Variants in ATXN7L1 observed in about 807,000 individuals in gnomAD.
The protein encoded by ATXN7L1 is ataxin 7 like 1.
A neutral mutation model predicts 70.8 loss-of-function variants in ATXN7L1; 15 were observed. That is an observed-to-expected ratio of 0.21 (90% CI 0.14 to 0.33). The LOEUF (loss-of-function observed/expected upper bound fraction) is 0.33, where lower values mean the gene tolerates loss of function less well. Among genes scored for constraint, ATXN7L1 ranks in the 10% least tolerant of loss-of-function variants. The probability of loss-of-function intolerance (pLI) is 1.00; values close to 1 mark genes in which losing one functional copy is unlikely to be tolerated. For synonymous variants in ATXN7L1, 440 were observed against 445.1 expected (o/e 0.99, Z 0.14); for missense variants, 975 against 1,097.1 (o/e 0.89, Z 1.57).
At chr7:105,803,655 C>G (rs558213696) in intron 2 of ATXN7L1, among the ~76,000 whole-genome samples, 26 of 152,166 alleles carry the variant, frequency 1.7e-4, no homozygotes, top group Non-Finnish European at 3.7e-4. Context: ...TTCCAGCCAG[C>G]CTGACTGAAC....
chr7:105,610,403 G>A, intron 11 of ATXN7L1, 126 bp downstream of exon 11: 1 of 847,378 alleles, frequency 1.2e-6, no homozygotes, highest in South Asian at 1.8e-5. Flanking sequence ...AGGTTTGGAA[G>A]CCAGGTAGCC....
Position 105,624,250 on chromosome 7 carries a change from C to T in ATXN7L1, c.1220G>A (p.Ser407Asn). Residue 407 changes from serine (S) to asparagine (N), a missense_variant, in exon 8 of 12, where the codon AGC (serine) becomes AAC (asparagine). By Grantham distance (46) the Ser-to-Asn change is conservative. Coordinates refer to ENST00000419735, the MANE Select transcript of ATXN7L1 (RefSeq NM_020725.2). ...ATTTGAAGATGTGCTGCTGCTTATG[C>T]TATTTGCAGATGATGGTCTAAGGGC... is the stretch of plus-strand genomic sequence containing the variant. ...SVLPRPSSAN[S>N]ISSSTSSNHS... 6.9e-7 allele frequency: 1 copy of T among 1,444,666 alleles called. No individual in the cohort carries two copies. The highest frequency in any genetic ancestry group is 9.2e-7 in the Non-Finnish European group (1 of 1,086,928). The allele number at this position is 1,444,666 out of a possible 1,614,324, so 89.5% of individuals were successfully genotyped here. A position where few individuals can be genotyped will look rare whatever the true frequency, so the allele number is the denominator to read the frequency against.
At chr7:105,649,894 T>C (rs915300190) in intron 4 of ATXN7L1, among the ~76,000 whole-genome samples, 8 of 152,222 alleles carry the variant, frequency 5.3e-5, no homozygotes, top group South Asian at 2.1e-4. Flanking sequence ...CAAAAGCCTA[T>C]GTGCTTATGC....
chr7:105,808,993 G>A (rs779182369), intron 2 of ATXN7L1, among the ~76,000 whole-genome samples: 6 of 152,312 alleles, frequency 3.9e-5, no homozygotes, highest in Admixed American at 6.5e-5. Context: ...CATGTGAGGC[G>A]TTTCTCCCAA....
chr7:105,832,875 G>A (rs1811823051), intron 2 of ATXN7L1, among the ~76,000 whole-genome samples: 1 of 152,162 alleles, frequency 6.6e-6, no homozygotes. Flanking sequence ...CCTTCAGGAA[G>A]TAGAGCCAGC....
chr7:105,685,529 T>C (rs1308376164), intron 3 of ATXN7L1, among the ~76,000 whole-genome samples: 2 of 152,146 alleles, frequency 1.3e-5, no homozygotes, highest in Non-Finnish European at 2.9e-5. Context: ...ATCTCCTCTC[T>C]CATCTCAGAC....
chr7:105,714,400 G>A (rs777694088), intron 3 of ATXN7L1, among the ~76,000 whole-genome samples: 6 of 152,228 alleles, frequency 3.9e-5, no homozygotes, highest in Admixed American at 1.3e-4. Flanking sequence ...CAAGCTCCTT[G>A]GATGAGTTTG....
rs947549059 is a variant in ATXN7L1 at position 105,864,594 on chromosome 7, G to T, written c.250+11218C>A. On this transcript the variant is annotated intron_variant, in intron 2 of 11. Coordinates refer to ENST00000419735, the MANE Select transcript of ATXN7L1 (RefSeq NM_020725.2). The stretch of plus-strand genomic sequence containing the variant: ...GACAACACAGCAGGGTCTCCAGAAT[G>T]AACACACTTTGCAAAACATTGAAAC... Among the ~76,000 whole-genome samples, 17 of 151,110 alleles carry T rather than the reference G, an allele frequency of 1.1e-4. No individual in the cohort carries two copies. The East Asian group carries it at 1.6e-3, about 14-fold the overall frequency.
At chr7:105,837,301 C>G (rs955876821) in intron 2 of ATXN7L1, among the ~76,000 whole-genome samples, 3 of 152,114 alleles carry the variant, frequency 2.0e-5, no homozygotes, top group Non-Finnish European at 2.9e-5. Flanking sequence ...CATCCACTGG[C>G]CTTCTGATTC....
chr7:105,678,326 G>T (rs1482831038), intron 3 of ATXN7L1, among the ~76,000 whole-genome samples: 1 of 152,094 alleles, frequency 6.6e-6, no homozygotes, highest in Non-Finnish European at 1.5e-5. Flanking sequence ...GTGTGTGAGT[G>T]GGTGTGCTTT....
chr7:105,859,809 G>C (rs1816301430), intron 2 of ATXN7L1, among the ~76,000 whole-genome samples: 1 of 131,718 alleles, frequency 7.6e-6, no homozygotes, highest in African/African-American at 2.9e-5. Flanking sequence ...TTGAGACAGA[G>C]TCTCGCTCTG....
At chr7:105,719,886 C>T (rs770296018) in intron 3 of ATXN7L1, among the ~76,000 whole-genome samples, 10 of 152,166 alleles carry the variant, frequency 6.6e-5, no homozygotes, top group Non-Finnish European at 1.0e-4. Context: ...AAGGGGCCAG[C>T]GAATCATGCA....
chr7:105,613,892 G>C lies in ATXN7L1; in HGVS notation c.2442C>G (p.Pro814=). ...GAGAGGAGGTGCTGTTAACGGGATC[G>C]GGCACCGGTGCGAGAAGGCTGGGCG... is the stretch of plus-strand genomic sequence containing the variant. ...KNPPSLLAPV[P]DPVNSTSSRQ... The change falls in exon 10 of 12, where the codon CCC becomes CCG. Residue 814 remains proline (P), a synonymous_variant. Transcript: ENST00000419735. 7.1e-6 allele frequency: 11 copies of C among 1,552,010 alleles called. No individual in the cohort carries two copies. Among genetic ancestry groups the C allele is most frequent in the Non-Finnish European group, 9.6e-6 (11 of 1,147,018 alleles).
intron 3 of ATXN7L1, among the ~76,000 whole-genome samples, chr7:105,748,850 G>A (rs1469632814): frequency 2.0e-5 from 3 of 152,212 alleles, no homozygotes. Flanking sequence ...AGGCAGCAGG[G>A]CACACTAAAG....
intron 3 of ATXN7L1, chr7:105,691,442 G>A (rs1334415553): frequency 2.0e-5 from 3 of 151,872 alleles, no homozygotes; most frequent in African/African-American, 7.3e-5. Context: ...TCCACAGTTG[G>A]AACAGAAACT....
chr7:105,670,129 T>C (rs1393997134), intron 3 of ATXN7L1, among the ~76,000 whole-genome samples: 7 of 152,130 alleles, frequency 4.6e-5, no homozygotes, highest in African/African-American at 1.7e-4. Context: ...TTACACAGTT[T>C]TGCGTTGGTG....
intron 3 of ATXN7L1, among the ~76,000 whole-genome samples, chr7:105,673,105 C>T (rs535310889): frequency 2.6e-5 from 4 of 152,318 alleles, no homozygotes; most frequent in East Asian, 1.9e-4. Context: ...CTGATAGGCG[C>T]GGGGAACCCT....
At chr7:105,641,214 CTTTTTTTTT>C (rs561100060) in intron 5 of ATXN7L1, among the ~76,000 whole-genome samples, 23 of 21,788 alleles carry the variant, frequency 1.1e-3, no homozygotes, top group Non-Finnish European at 1.6e-3. Context: ...CTCTCTCTCT[CTTTTTTTTT>C]TTTTTTTTTT....
chr7:105,617,922 G>A (rs1004651052), intron 9 of ATXN7L1: 6 of 456,662 alleles, frequency 1.3e-5, no homozygotes, highest in African/African-American at 1.0e-4. Flanking sequence ...ATCCCTCCAG[G>A]TTCGGGCCCG....
Sources: gnomAD v4.1 joint callset for allele counts (sites outside exome capture counted in the v4.1 genomes callset) on GRCh38, gnomAD v4.1.1 for gene constraint, MANE v1.5 for transcripts, NCBI Gene and HGNC (gene_info 2026-07-23, HGNC 2026-07-21) for gene names.